The following STK24 variants were observed in gnomAD, a reference collection of about 807,000 sequenced individuals.
STK24 encodes serine/threonine kinase 24.
STK24 carries 21 observed loss-of-function variants against 55.6 expected under a neutral mutation model. The observed-to-expected ratio is 0.38, with a 90% CI of 0.27 to 0.54. The LOEUF is 0.54. Among genes scored for constraint, STK24 ranks in the 20% least tolerant of loss-of-function variants. The pLI is 0.79. For synonymous variants in STK24, 200 were observed against 215.2 expected (o/e 0.93, Z 0.62); for missense variants, 383 against 538.4 (o/e 0.71, Z 2.86).
At chr13:98,510,940 G>C (rs1895858681) in intron 2 of STK24, among the ~76,000 whole-genome samples, 1 of 152,196 alleles carries the variant, frequency 6.6e-6, no homozygotes, top group Non-Finnish European at 1.5e-5. Flanking sequence ...AAAACCCACA[G>C]CTAAACCAGG....
chr13:98,504,763 C>T (rs1392044115), intron 2 of STK24, among the ~76,000 whole-genome samples: 1 of 152,178 alleles, frequency 6.6e-6, no homozygotes, highest in African/African-American at 2.4e-5. Context: ...CTATTTTTCA[C>T]CTGAGGTCGC....
intron 1 of STK24, among the ~76,000 whole-genome samples, chr13:98,557,956 T>A (rs1404603922): frequency 2.0e-5 from 3 of 152,200 alleles, no homozygotes; most frequent in African/African-American, 7.2e-5. Flanking sequence ...AGAACAGAGC[T>A]CAGCCATTGT....
rs552672648 is a variant in STK24 at position 98,448,095 on chromosome 13, G to T, written c.*5078C>A. ...CCTCAGGAACGCCTGGGTGCTGGCTGTTCCCTTGCTCTTCTGCTGAAGTGG... is the reference window on the plus strand; with the variant it reads ...CCTCAGGAACGCCTGGGTGCTGGCTTTTCCCTTGCTCTTCTGCTGAAGTGG... On this transcript the variant is annotated 3_prime_UTR_variant, in exon 11 of 11. Transcript: ENST00000539966. The T allele has an allele frequency of 1.4e-5, 10 of 705,012 alleles. No homozygotes were observed. The East Asian group carries it at 2.4e-4, about 17-fold the overall frequency. 43.7% of individuals were successfully genotyped at this position (705,012 alleles called of 1,614,324 possible). A position where few individuals can be genotyped will look rare whatever the true frequency, so the allele number is the denominator to read the frequency against.
At chr13:98,468,061 G>C (rs1893987448) in intron 5 of STK24, among the ~76,000 whole-genome samples, 1 of 152,208 alleles carries the variant, frequency 6.6e-6, no homozygotes, top group African/African-American at 2.4e-5. Flanking sequence ...GAAATGCATA[G>C]GCGGAAGCAT....
intron 1 of STK24, among the ~76,000 whole-genome samples, chr13:98,535,444 A>G (rs964029959): frequency 2.0e-5 from 3 of 146,936 alleles, no homozygotes; most frequent in Non-Finnish European, 4.5e-5. Flanking sequence ...CACGCAATGC[A>G]TTCCAAATAA....
chr13:98,566,905 T>TTCA (rs1897588629), intron 1 of STK24, among the ~76,000 whole-genome samples: 1 of 152,056 alleles, frequency 6.6e-6, no homozygotes, highest in Non-Finnish European at 1.5e-5. Context: ...TCATCTGGAG[T>TTCA]TCAAGTGGCA....
chr13:98,467,549 A>C (rs1342017624), intron 5 of STK24, among the ~76,000 whole-genome samples: 2 of 152,082 alleles, frequency 1.3e-5, no homozygotes, highest in African/African-American at 2.4e-5. Context: ...AACTTAAAGA[A>C]ACAGGTCCCA....
In STK24 at chr13:98,446,065, G is replaced by T. The variant is rs190014731; in HGVS notation, c.*7108C>A. 7.4e-6 allele frequency: 11 copies of T among 1,479,382 alleles called. No individual in the cohort carries two copies. The African/African-American group carries it at 1.5e-4, about 20-fold the overall frequency. The allele number at this position is 1,479,382 out of a possible 1,614,324, so 91.6% of individuals were successfully genotyped here. ...CTGTGCCCTCCTGGGGCAGGTGCCC[G>T]CTGTGCTTCTCACAGGCCTCCTTGC... is the stretch of plus-strand genomic sequence containing the variant. On this transcript the variant is annotated 3_prime_UTR_variant, in exon 11 of 11. Transcript: ENST00000539966.
rs60019968 is a variant in STK24 at position 98,447,844 on chromosome 13, CAAAAA to C, written c.*5324_*5328del. 3.8e-5 allele frequency: 7 copies of C among 184,400 alleles called. No homozygotes were observed. The highest frequency in any genetic ancestry group is 1.3e-4 in the African/African-American group (5 of 39,976). 11.4% of individuals were successfully genotyped at this position (184,400 alleles called of 1,614,324 possible). ...TGAGTGACAGAGCCAGACCCTGTCT[CAAAAA>C]AAAAAGAAAAAGAAAAAAGGAAGGG... On this transcript the variant is annotated 3_prime_UTR_variant, in exon 11 of 11. Transcript: ENST00000539966.
chr13:98,541,956 C>G (rs1441850578), intron 1 of STK24, among the ~76,000 whole-genome samples: 1 of 152,320 alleles, frequency 6.6e-6, no homozygotes, highest in Admixed American at 6.5e-5. Flanking sequence ...AAAATAAAAT[C>G]GTGCATTTCA....
chr13:98,504,753 C>T (rs1895624584), intron 2 of STK24, among the ~76,000 whole-genome samples: 1 of 152,156 alleles, frequency 6.6e-6, no homozygotes, highest in African/African-American at 2.4e-5. Flanking sequence ...AGAGGAAGGG[C>T]TATTTTTCAC....
rs1896048477 is a variant in STK24, at chr13:98,516,119, A to G, written c.273+3124T>C. The stretch of plus-strand genomic sequence containing the variant: ...GGGCCAAAGAATTTCATGACACTCC[A>G]TTACACAAGAATGGGCAGACAGAAT... On this transcript the variant is annotated intron_variant, in intron 2 of 10. Transcript: ENST00000539966. Among the ~76,000 whole-genome samples, 3 of 152,362 alleles carry G rather than the reference A, an allele frequency of 2.0e-5. 1 individual carries two copies. In the South Asian group the frequency reaches 6.2e-4, roughly 32 times the overall value.
chr13:98,446,114 A>G lies in STK24; in HGVS notation c.*7059T>C, dbSNP rs1354611812. On this transcript the variant is annotated 3_prime_UTR_variant, in exon 11 of 11. Coordinates refer to ENST00000539966, the MANE Select transcript of STK24 (RefSeq NM_001032296.4). ...GCCTTTCAGAATCAGTTGTCTGGAA[A>G]CCTGCTGAGGAAATTCAAAAACAGC... 1 of 1,613,724 alleles carries G rather than the reference A, an allele frequency of 6.2e-7. No individual in the cohort carries two copies. Among genetic ancestry groups the G allele is most frequent in the South Asian group, 1.1e-5 (1 of 91,066 alleles).
Position 98,448,055 on chromosome 13 carries a change from T to C in STK24, c.*5118A>G, listed in dbSNP as rs114747499. 1.5e-3 allele frequency: 904 copies of C among 617,444 alleles called. 4 individuals carry two copies. In the African/African-American group the frequency reaches 0.015, roughly 10 times the overall value. The allele number at this position is 617,444 out of a possible 1,614,324, so 38.2% of individuals were successfully genotyped here. A position where few individuals can be genotyped will look rare whatever the true frequency, so the allele number is the denominator to read the frequency against. On this transcript the variant is annotated 3_prime_UTR_variant, in exon 11 of 11. Coordinates refer to ENST00000539966, the MANE Select transcript of STK24 (RefSeq NM_001032296.4). The stretch of plus-strand genomic sequence containing the variant: ...CACACTGAGTGAGTGCCCAGGCCAG[T>C]GGGTCTCCACTGTACCTCAGGAACG...
intron 2 of STK24, among the ~76,000 whole-genome samples, chr13:98,517,101 T>C (rs867537265): frequency 6.6e-6 from 1 of 152,254 alleles, no homozygotes; most frequent in South Asian, 2.1e-4. Flanking sequence ...TTAATTTCCA[T>C]AGTTAAATAT....
intron 2 of STK24, among the ~76,000 whole-genome samples, chr13:98,512,955 A>T (rs557430788): frequency 7.2e-5 from 11 of 152,236 alleles, no homozygotes; most frequent in Admixed American, 7.2e-4. Context: ...GTCACTGCCA[A>T]CACTTATGTA....
intron 1 of STK24, among the ~76,000 whole-genome samples, chr13:98,559,238 C>T (rs1050566795): frequency 6.6e-6 from 1 of 152,050 alleles, no homozygotes; most frequent in African/African-American, 2.4e-5. Flanking sequence ...CCACCCAAAC[C>T]TCATCCTGAA....
At chr13:98,564,029 C>G (rs117093274) in intron 1 of STK24, among the ~76,000 whole-genome samples, 2 of 151,962 alleles carry the variant, frequency 1.3e-5, no homozygotes, top group East Asian at 1.9e-4. Context: ...TAATAACAGA[C>G]GACATTATTA....
intron 2 of STK24, among the ~76,000 whole-genome samples, chr13:98,504,540 G>A (rs796713286): frequency 6.6e-6 from 1 of 152,182 alleles, no homozygotes; most frequent in South Asian, 2.1e-4. Context: ...ATGCAAGAAG[G>A]GAAATAGACT....
Sources: gnomAD v4.1 joint callset for allele counts (sites outside exome capture counted in the v4.1 genomes callset) on GRCh38, gnomAD v4.1.1 for gene constraint, MANE v1.5 for transcripts, NCBI Gene and HGNC (gene_info 2026-07-23, HGNC 2026-07-21) for gene names.